Variants in BTBD7 observed in about 807,000 individuals in gnomAD.
The protein encoded by BTBD7 is BTB/POZ domain-containing protein 7.
Under a neutral mutation model 99.9 loss-of-function variants are expected in BTBD7, and 38 were observed. The ratio of observed to expected loss-of-function variants is 0.38; its 90% CI spans 0.29 to 0.50. The LOEUF (loss-of-function observed/expected upper bound fraction) is 0.50. Ranked by LOEUF, BTBD7 falls within the 20% of genes least tolerant of loss-of-function variation. BTBD7 has a pLI of 0.93. For missense variants in BTBD7, 1,170 were observed against 1,394.6 expected (o/e 0.84, Z 2.57); for synonymous variants, 520 against 511.4 (o/e 1.02, Z -0.23).
At chr14:93,267,343 ACT>A (rs2052553727) in intron 3 of BTBD7, among the ~76,000 whole-genome samples, 1 of 152,022 alleles carries the variant, frequency 6.6e-6, no homozygotes, top group African/African-American at 2.4e-5. Flanking sequence ...AAATCACTTC[ACT>A]CTTTAAGAGT....
intron 1 of BTBD7, among the ~76,000 whole-genome samples, chr14:93,315,252 T>C (rs2053186468): frequency 6.6e-6 from 1 of 152,192 alleles, no homozygotes; most frequent in South Asian, 2.1e-4. Flanking sequence ...AAATTAAGAG[T>C]TTATAACACA....
At chr14:93,288,195 T>A (rs1041250595) in intron 3 of BTBD7, 2 of 294,592 alleles carry the variant, frequency 6.8e-6, no homozygotes, top group African/African-American at 4.3e-5. Context: ...GAAATTCCTT[T>A]AGTTTTGGAA....
In BTBD7 at chr14:93,248,739, T is replaced by C. The variant is rs576590518; in HGVS notation, c.1943-85A>G. 32 of 1,214,690 alleles carry C rather than the reference T, an allele frequency of 2.6e-5. No homozygotes were observed. The East Asian group carries it at 8.1e-4, about 31-fold the overall frequency. The allele number at this position is 1,214,690 out of a possible 1,614,324, so 75.2% of individuals were successfully genotyped here. A position where few individuals can be genotyped will look rare whatever the true frequency, so the allele number is the denominator to read the frequency against. On this transcript the variant is annotated intron_variant, in intron 8 of 10. Transcript: ENST00000334746. ...TGAGCCCAAGGGAAAAAAGCATGTATTTCATACCAGAATCTTATAAGTTTT... is the reference window on the plus strand; with the variant it reads ...TGAGCCCAAGGGAAAAAAGCATGTACTTCATACCAGAATCTTATAAGTTTT...
Position 93,325,106 on chromosome 14 carries a change from A to ATTTTT in BTBD7, c.-107+7709_-107+7713dup, listed in dbSNP as rs34523849. ...TTAAGTAGAGAAGCAGCATGCTCCA[A>ATTTTT]TTTTTTTTTTTTTTTTTTTTTTTTT... On this transcript the variant is annotated intron_variant, in intron 1 of 10. Transcript: ENST00000334746. Among the ~76,000 whole-genome samples the ATTTTT allele has an allele frequency of 9.8e-3, 1,033 of 105,544 alleles. 26 individuals carry two copies. The highest frequency in any genetic ancestry group is 0.021 in the African/African-American group (545 of 26,236). The allele number at this position is 105,544 out of a possible 152,430, so 69.2% of individuals were successfully genotyped here. A position where few individuals can be genotyped will look rare whatever the true frequency, so the allele number is the denominator to read the frequency against.
chr14:93,314,630 T>C (rs761687808), intron 1 of BTBD7, among the ~76,000 whole-genome samples: 2 of 152,186 alleles, frequency 1.3e-5, no homozygotes, highest in African/African-American at 4.8e-5. Context: ...CTTTTACACA[T>C]ATCTTTGCCC....
intron 3 of BTBD7, among the ~76,000 whole-genome samples, chr14:93,264,775 G>GAAAA (rs371997254): frequency 2.6e-5 from 4 of 151,418 alleles, no homozygotes; most frequent in Non-Finnish European, 5.9e-5. Context: ...CTGATAATGT[G>GAAAA]AAAACAAACA....
chr14:93,250,068 A>G (rs1416032505), intron 8 of BTBD7, among the ~76,000 whole-genome samples: 1 of 152,188 alleles, frequency 6.6e-6, no homozygotes, highest in African/African-American at 2.4e-5. Context: ...CAGGAAAGAA[A>G]ATATTAATAC....
intron 1 of BTBD7, among the ~76,000 whole-genome samples, chr14:93,332,619 G>C (rs1034162893): frequency 1.3e-5 from 2 of 151,608 alleles, no homozygotes; most frequent in Admixed American, 6.6e-5. Context: ...ACAGAGACCG[G>C]CCAGTCCGGC....
At chr14:93,307,703 T>C (rs2053087608) in intron 1 of BTBD7, among the ~76,000 whole-genome samples, 1 of 152,222 alleles carries the variant, frequency 6.6e-6, no homozygotes, top group African/African-American at 2.4e-5. Context: ...CTAGTTAGCC[T>C]ATATAAAATA....
At chr14:93,315,400 T>C (rs1369513186) in intron 1 of BTBD7, among the ~76,000 whole-genome samples, 1 of 152,252 alleles carries the variant, frequency 6.6e-6, no homozygotes, top group Admixed American at 6.5e-5. Flanking sequence ...GATGCTTTTG[T>C]TAGCCATTGA....
chr14:93,247,160 G>A (rs187213091), intron 9 of BTBD7, among the ~76,000 whole-genome samples: 6 of 151,820 alleles, frequency 4.0e-5, no homozygotes, highest in Non-Finnish European at 7.4e-5. Context: ...CCGAGGAACC[G>A]GGACTACTGG....
chr14:93,290,344 C>G (rs1055099194), intron 3 of BTBD7, among the ~76,000 whole-genome samples: 13 of 151,028 alleles, frequency 8.6e-5, no homozygotes, highest in Non-Finnish European at 1.5e-4. Flanking sequence ...TCCTGAGCAG[C>G]TGGGACTACA....
intron 1 of BTBD7, among the ~76,000 whole-genome samples, chr14:93,306,639 T>C (rs2053073799): frequency 6.6e-6 from 1 of 152,194 alleles, no homozygotes; most frequent in South Asian, 2.1e-4. Context: ...ATCTTATCAA[T>C]GTTTCTAAAA....
At chr14:93,316,831 G>A (rs987771094) in intron 1 of BTBD7, among the ~76,000 whole-genome samples, 8 of 152,104 alleles carry the variant, frequency 5.3e-5, no homozygotes, top group African/African-American at 1.7e-4. Context: ...AAATGCCCAT[G>A]TAACATAGAC....
chr14:93,247,890 T>C (rs2052330456), intron 9 of BTBD7, among the ~76,000 whole-genome samples: 1 of 152,232 alleles, frequency 6.6e-6, no homozygotes, highest in African/African-American at 2.4e-5. Context: ...TACTGTTTGA[T>C]TCTCATGCTT....
At chr14:93,317,712 T>C (rs1409738194) in intron 1 of BTBD7, among the ~76,000 whole-genome samples, 1 of 152,170 alleles carries the variant, frequency 6.6e-6, no homozygotes, top group Non-Finnish European at 1.5e-5. Flanking sequence ...CTCTGGGAAA[T>C]TGGATTTTGG....
Position 93,331,794 on chromosome 14 carries a change from T to G in BTBD7, c.-107+1026A>C, listed in dbSNP as rs565916737. On this transcript the variant is annotated intron_variant, in intron 1 of 10. Coordinates refer to ENST00000334746, the MANE Select transcript of BTBD7 (RefSeq NM_001002860.4). ...TACTTGGGAGGCTGAGACAGGAGAA[T>G]CGCTTGAACCTGAGAGGCGGAGGTT... Among the ~76,000 whole-genome samples, 3 of 151,406 alleles carry G rather than the reference T, an allele frequency of 2.0e-5. No individual in the cohort carries two copies. In the East Asian group the frequency reaches 5.8e-4, roughly 29 times the overall value.
intron 1 of BTBD7, among the ~76,000 whole-genome samples, chr14:93,301,978 C>G (rs1286583723): frequency 6.6e-6 from 1 of 152,160 alleles, no homozygotes; most frequent in Non-Finnish European, 1.5e-5. Flanking sequence ...GAATTGACAT[C>G]AGGGATAAGG....
rs551624224 is a variant in BTBD7 at position 93,291,905 on chromosome 14, T to C, written c.1162+1953A>G. 3.3e-5 allele frequency among the ~76,000 whole-genome samples: 5 copies of C among 152,100 alleles called. No homozygotes were observed. In the East Asian group the frequency reaches 7.7e-4, roughly 24 times the overall value. ...TTTGCATCTAAAACTTAAAAAAACC[T>C]GCAAGGTGCGGTGGCTCATGCCTGT... is the stretch of plus-strand genomic sequence containing the variant. On this transcript the variant is annotated intron_variant, in intron 3 of 10. Coordinates refer to ENST00000334746, the MANE Select transcript of BTBD7 (RefSeq NM_001002860.4).
Sources: gnomAD v4.1 joint callset for allele counts (sites outside exome capture counted in the v4.1 genomes callset) on GRCh38, gnomAD v4.1.1 for gene constraint, MANE v1.5 for transcripts, NCBI Gene and HGNC (gene_info 2026-07-23, HGNC 2026-07-21) for gene names.